CACNA2D3: variants seen among roughly 807,000 people sequenced by gnomAD.
CACNA2D3 encodes calcium voltage-gated channel auxiliary subunit alpha2delta 3, also known as voltage-dependent calcium channel subunit alpha-2/delta-3.
A neutral mutation model predicts 160.6 loss-of-function variants in CACNA2D3; 60 were observed. That is an observed-to-expected ratio of 0.37 (90% CI 0.30 to 0.46). The LOEUF is 0.46. CACNA2D3 is among the 20% of genes least tolerant of loss of function. The pLI is 1.00. For synonymous variants in CACNA2D3, 558 were observed against 492.9 expected (o/e 1.13, Z -1.75); for missense variants, 1,205 against 1,365.0 (o/e 0.88, Z 1.85).
chr3:54,765,754 C>T lies in CACNA2D3; in HGVS notation c.1380+1403C>T, dbSNP rs559106501. Among the ~76,000 whole-genome samples, 5 of 152,214 alleles carry T rather than the reference C, an allele frequency of 3.3e-5. No homozygotes were observed. In the Middle Eastern group the frequency reaches 0.014, roughly 414 times the overall value. ...TAAGACACAGTTTCTACAATTAAAA[C>T]ATTATGGTAGTAGCACCTGGACAGA... is the stretch of plus-strand genomic sequence containing the variant. On this transcript the variant is annotated intron_variant, in intron 13 of 37. Transcript: ENST00000474759.
At chr3:54,598,642 C>T (rs1397757832) in intron 9 of CACNA2D3, among the ~76,000 whole-genome samples, 1 of 151,474 alleles carries the variant, frequency 6.6e-6, no homozygotes, top group African/African-American at 2.4e-5. Flanking sequence ...TTCTCATGTG[C>T]ATACCTTAAT....
At chr3:54,406,269 C>A (rs1343958239) in intron 4 of CACNA2D3, among the ~76,000 whole-genome samples, 2 of 152,008 alleles carry the variant, frequency 1.3e-5, no homozygotes, top group African/African-American at 4.8e-5. Context: ...CCATTTTCCA[C>A]AATAGCCATG....
At chr3:54,795,572 G>A (rs1702851672) in intron 13 of CACNA2D3, among the ~76,000 whole-genome samples, 1 of 152,132 alleles carries the variant, frequency 6.6e-6, no homozygotes, top group African/African-American at 2.4e-5. Flanking sequence ...TATCACCTTG[G>A]CCCTTAAAAA....
At chr3:54,259,966 AAT>A (rs1448488259) in intron 2 of CACNA2D3, among the ~76,000 whole-genome samples, 1 of 152,182 alleles carries the variant, frequency 6.6e-6, no homozygotes, top group Non-Finnish European at 1.5e-5. Context: ...AACTTGAATA[AAT>A]ATGTTTCCTC....
At chr3:54,949,279 G>A (rs1362317084) in intron 27 of CACNA2D3, among the ~76,000 whole-genome samples, 2 of 152,198 alleles carry the variant, frequency 1.3e-5, no homozygotes, top group South Asian at 2.1e-4. Flanking sequence ...CACATGGACT[G>A]GAAATTGGAG....
At chr3:54,523,685 T>G (rs958886014) in intron 5 of CACNA2D3, among the ~76,000 whole-genome samples, 1 of 152,094 alleles carries the variant, frequency 6.6e-6, no homozygotes, top group Non-Finnish European at 1.5e-5. Context: ...ATTCAATCCC[T>G]TTACTCGTTG....
intron 11 of CACNA2D3, among the ~76,000 whole-genome samples, chr3:54,689,950 T>C (rs1176933935): frequency 2.0e-5 from 3 of 152,146 alleles, no homozygotes; most frequent in Non-Finnish European, 4.4e-5. Context: ...AAAAAACCCA[T>C]GTCTCTTTCC....
chr3:54,468,825 G>GTTCC (rs1700676574), intron 4 of CACNA2D3, among the ~76,000 whole-genome samples: 1 of 152,200 alleles, frequency 6.6e-6, no homozygotes, highest in African/African-American at 2.4e-5. Flanking sequence ...AGTTCGAACT[G>GTTCC]GGTGGAGCCC....
intron 13 of CACNA2D3, among the ~76,000 whole-genome samples, chr3:54,806,457 C>A (rs1479007939): frequency 3.3e-5 from 5 of 152,122 alleles, no homozygotes; most frequent in Admixed American, 6.6e-5. Flanking sequence ...TTCACAATTG[C>A]TTCAAAGAGA....
chr3:54,636,691 GAAGGA>G (rs1373183558), intron 10 of CACNA2D3, among the ~76,000 whole-genome samples: 2 of 152,082 alleles, frequency 1.3e-5, no homozygotes, highest in East Asian at 3.9e-4. Flanking sequence ...CCATGCCTAG[GAAGGA>G]AAGGAGTTGT....
intron 27 of CACNA2D3, among the ~76,000 whole-genome samples, chr3:54,930,581 G>A (rs1296905571): frequency 6.6e-6 from 1 of 152,202 alleles, no homozygotes; most frequent in Non-Finnish European, 1.5e-5. Flanking sequence ...CCCTGGCAGA[G>A]AACCAAAGGC....
chr3:54,256,967 C>T (rs556936806), intron 2 of CACNA2D3, among the ~76,000 whole-genome samples: 2 of 152,184 alleles, frequency 1.3e-5, no homozygotes, highest in Non-Finnish European at 1.5e-5. Flanking sequence ...CTGCGTTTGG[C>T]CCTTCCTTCA....
intron 13 of CACNA2D3, among the ~76,000 whole-genome samples, chr3:54,811,474 T>G (rs1162261727): frequency 4.7e-4 from 2 of 4,220 alleles, no homozygotes; most frequent in South Asian, 4.0e-3. Context: ...TCTTTTTTTT[T>G]TTTTTTTTTT....
At chr3:54,514,785 G>C (rs1701517763) in intron 5 of CACNA2D3, among the ~76,000 whole-genome samples, 1 of 152,134 alleles carries the variant, frequency 6.6e-6, no homozygotes, top group Admixed American at 6.5e-5. Flanking sequence ...TGGGGTGGGA[G>C]GTGGAGAATA....
intron 5 of CACNA2D3, among the ~76,000 whole-genome samples, chr3:54,514,384 C>T (rs1171201785): frequency 1.3e-5 from 2 of 152,178 alleles, no homozygotes; most frequent in East Asian, 3.9e-4. Flanking sequence ...GTGAATTCCT[C>T]CACTATAGCA....
chr3:55,059,190 T>A (rs1480331762), intron 35 of CACNA2D3, among the ~76,000 whole-genome samples: 1 of 152,224 alleles, frequency 6.6e-6, no homozygotes, highest in Non-Finnish European at 1.5e-5. Flanking sequence ...GAGGCTATTC[T>A]ATTTTGCTAA....
intron 4 of CACNA2D3, among the ~76,000 whole-genome samples, chr3:54,466,727 G>C (rs1301206059): frequency 6.6e-6 from 1 of 152,198 alleles, no homozygotes; most frequent in African/African-American, 2.4e-5. Flanking sequence ...TTATAATGTT[G>C]TGATTTCTAG....
At chr3:54,347,044 C>T (rs9816771) in intron 3 of CACNA2D3, among the ~76,000 whole-genome samples, 16,895 of 152,138 alleles carry the variant, frequency 0.11, 1,044 homozygotes, top group African/African-American at 0.16. Context: ...GTTACAAATG[C>T]GATGAGGAAA....
intron 4 of CACNA2D3, among the ~76,000 whole-genome samples, chr3:54,433,649 G>A (rs908110410): frequency 4.6e-5 from 7 of 152,284 alleles, no homozygotes; most frequent in African/African-American, 1.2e-4. Flanking sequence ...GGAGAAGACA[G>A]ACGGCCTGCG....
Sources: allele counts gnomAD v4.1 joint callset (sites outside exome capture counted in the v4.1 genomes callset), GRCh38; gene constraint gnomAD v4.1.1; transcripts MANE v1.5; gene names NCBI Gene and HGNC (gene_info 2026-07-23, HGNC 2026-07-21).